The following OLFM1 variants were observed in gnomAD, a reference collection of about 807,000 sequenced individuals.
The protein encoded by OLFM1 is noelin.
Under a neutral mutation model 49.7 loss-of-function variants are expected in OLFM1, and 9 were observed. That is an observed-to-expected ratio of 0.18 (90% CI 0.11 to 0.32). The LOEUF (loss-of-function observed/expected upper bound fraction) is 0.32, where lower values mean the gene tolerates loss of function less well. Ranked by LOEUF, OLFM1 falls within the 10% of genes least tolerant of loss-of-function variation. The pLI, the probability that OLFM1 is intolerant of heterozygous loss-of-function variation, is 1.00. For missense variants in OLFM1, 369 were observed against 661.8 expected, an observed-to-expected ratio of 0.56 and a Z score of 4.85; for synonymous variants, 240 against 271.8, an observed-to-expected ratio of 0.88 and a Z score of 1.15.
intron 1 of OLFM1, chr9:135,076,628 CG>C (rs1564264308): frequency 1.8e-6 from 2 of 1,110,808 alleles, no homozygotes; most frequent in African/African-American, 3.1e-5. Flanking sequence ...CCGAGGGAGC[CG>C]GGCTGCTTGG....
At chr9:135,091,577 TCACACACTCACAGTCACACAC>T (rs1830691840) in intron 2 of OLFM1, among the ~76,000 whole-genome samples, 2 of 59,806 alleles carry the variant, frequency 3.3e-5, no homozygotes, top group Non-Finnish European at 7.2e-5. Context: ...ACACACACAG[TCACACACTCACAGTCACACAC>T]TCACACATAG....
intron 5 of OLFM1, among the ~76,000 whole-genome samples, chr9:135,112,975 G>C (rs1034956655): frequency 2.6e-5 from 4 of 152,124 alleles, no homozygotes; most frequent in African/African-American, 7.2e-5. Context: ...TGTGGCGTGG[G>C]GGAGGGCAGC....
In OLFM1 at chr9:135,098,922, A is replaced by T. The variant is rs1186229777; in HGVS notation, c.676+417A>T. Among the ~76,000 whole-genome samples, 1 of 152,218 alleles carries T rather than the reference A, an allele frequency of 6.6e-6. No homozygotes were observed. The highest frequency in any genetic ancestry group is 2.1e-4 in the South Asian group (1 of 4,826). On this transcript the variant is annotated intron_variant, in intron 4 of 5. Coordinates refer to ENST00000371793, the MANE Select transcript of OLFM1 (RefSeq NM_001282611.2). The surrounding 1 kb of genome is among the most constrained non-coding windows in gnomAD (Gnocchi z 5.6). ...ATATTGAATCATGCATAGTTTGAAT[A>T]AAAAAGGGAACAAAATTCAATCACA...
intron 1 of OLFM1, chr9:135,076,221 T>C (rs1830464216): frequency 6.4e-7 from 1 of 1,550,596 alleles, no homozygotes; most frequent in East Asian, 2.4e-5. Context: ...CACACACCCC[T>C]GAGTGGCTCA....
chr9:135,120,244 C>A lies in OLFM1; in HGVS notation c.*66C>A. 1.5e-6 allele frequency: 2 copies of A among 1,335,422 alleles called. No homozygotes were observed. Among genetic ancestry groups the A allele is most frequent in the Non-Finnish European group, 2.1e-6 (2 of 968,308 alleles). The allele number at this position is 1,335,422 out of a possible 1,614,324, so 82.7% of individuals were successfully genotyped here. A position where few individuals can be genotyped will look rare whatever the true frequency, so the allele number is the denominator to read the frequency against. On this transcript the variant is annotated 3_prime_UTR_variant, in exon 6 of 6. Coordinates refer to ENST00000371793, the MANE Select transcript of OLFM1 (RefSeq NM_001282611.2). ...AAAGGGACTCCTGTGAAACTGCTGC[C>A]AAAAAGATACCAATAACACTAACAA...
intron 4 of OLFM1, among the ~76,000 whole-genome samples, chr9:135,104,324 G>T (rs1830909718): frequency 6.6e-6 from 1 of 152,242 alleles, no homozygotes; most frequent in Admixed American, 6.5e-5. Context: ...TGGCCAGGCG[G>T]CGGAGAGGAG....
chr9:135,087,623 C>T, upstream of OLFM1: 3 of 650,390 alleles, frequency 4.6e-6, no homozygotes, highest in Non-Finnish European at 4.4e-6. Flanking sequence ...CCGGCCGAGC[C>T]CCGCCTCCCG....
At chr9:135,100,042 T>C (rs1404863567) in intron 4 of OLFM1, among the ~76,000 whole-genome samples, 2 of 152,238 alleles carry the variant, frequency 1.3e-5, no homozygotes, top group East Asian at 3.9e-4. Context: ...CTCCAAACAC[T>C]CCCACTTATG....
chr9:135,095,794 A>C (rs932929466), intron 2 of OLFM1, 70 bp from the exon 3 acceptor site: 7 of 1,550,302 alleles, frequency 4.5e-6, no homozygotes, highest in Non-Finnish European at 5.3e-6. Context: ...CAATGTCTGT[A>C]CGAGCAGGCA....
chr9:135,075,932 G>T lies in OLFM1; in HGVS notation c.96+130G>T, dbSNP rs1321312230. The T allele has an allele frequency of 2.8e-6, 4 of 1,413,362 alleles. No individual in the cohort carries two copies. The African/African-American group carries it at 4.5e-5, about 16-fold the overall frequency. 87.6% of individuals were successfully genotyped at this position (1,413,362 alleles called of 1,614,324 possible). A position where few individuals can be genotyped will look rare whatever the true frequency, so the allele number is the denominator to read the frequency against. Reference sequence around the variant, plus strand: ...CCCCGGCCTGGGCGCCCGAAGTGCCGGGGTTGGGGAGGGGGCCAGGGCGCT... The same window carrying T: ...CCCCGGCCTGGGCGCCCGAAGTGCCTGGGTTGGGGAGGGGGCCAGGGCGCT... On this transcript the variant is annotated intron_variant, in intron 1 of 5. Coordinates refer to the OLFM1 transcript ENST00000252854.
exon 1 of OLFM1, chr9:135,075,798 C>T: frequency 6.2e-7 from 1 of 1,602,930 alleles, no homozygotes; most frequent in Non-Finnish European, 8.5e-7. Flanking sequence ...ACTGAACTCA[C>T]TCAAGTACGT....
intron 4 of OLFM1, among the ~76,000 whole-genome samples, chr9:135,101,288 C>T (rs1830866864): frequency 1.3e-5 from 2 of 152,132 alleles, no homozygotes; most frequent in South Asian, 4.2e-4. Context: ...CCTGCTGTTC[C>T]TGCTGGTGTG....
intron 5 of OLFM1, among the ~76,000 whole-genome samples, chr9:135,115,852 A>G (rs1228246986): frequency 6.6e-6 from 1 of 152,214 alleles, no homozygotes. Flanking sequence ...TCATGTGATA[A>G]TTGAAGGCAA....
In OLFM1 at chr9:135,096,024, G is replaced by A; in HGVS notation, c.456+5G>A. ...CACCTGGCCAGGCAGTTTAAGGTATGCATGTTCCTCCCCCTCTCCCTCCCC... is the reference window on the plus strand; with the variant it reads ...CACCTGGCCAGGCAGTTTAAGGTATACATGTTCCTCCCCCTCTCCCTCCCC... On this transcript the variant is annotated splice_donor_5th_base_variant and intron_variant, in intron 3 of 5. Coordinates refer to ENST00000371793, the MANE Select transcript of OLFM1 (RefSeq NM_001282611.2). 10 of 1,292,860 alleles carry A rather than the reference G, an allele frequency of 7.7e-6. No homozygotes were observed. Among genetic ancestry groups the A allele is most frequent in the Non-Finnish European group, 1.0e-5 (10 of 1,003,048 alleles). 80.1% of individuals were successfully genotyped at this position (1,292,860 alleles called of 1,614,324 possible). A position where few individuals can be genotyped will look rare whatever the true frequency, so the allele number is the denominator to read the frequency against.
intron 1 of OLFM1, among the ~76,000 whole-genome samples, chr9:135,081,587 C>T (rs1830533333): frequency 1.3e-5 from 2 of 152,200 alleles, no homozygotes. Flanking sequence ...TGCCCAGCTG[C>T]CTCAGTTCTC....
chr9:135,084,554 CTCTCTGTTTCTTTGTCTTTCTGTCTCT>C (rs1830574484), upstream of OLFM1, among the ~76,000 whole-genome samples: 1 of 151,730 alleles, frequency 6.6e-6, no homozygotes, highest in Non-Finnish European at 1.5e-5. This position sits in a 1 kb window ranked among gnomAD's most constrained non-coding sequence, Gnocchi z 4.6. Flanking sequence ...TCTCTGTCTC[CTCTCTGTTTCTTTGTCTTTCTGTCTCT>C]CTGCCTTTGT....
chr9:135,088,257 C>A lies in OLFM1; in HGVS notation c.150+118C>A, dbSNP rs987806070. 100 of 994,262 alleles carry A rather than the reference C, an allele frequency of 1.0e-4. No homozygotes were observed. Among genetic ancestry groups the A allele is most frequent in the Non-Finnish European group, 1.3e-4 (98 of 781,984 alleles). The allele number at this position is 994,262 out of a possible 1,614,324, so 61.6% of individuals were successfully genotyped here. A position where few individuals can be genotyped will look rare whatever the true frequency, so the allele number is the denominator to read the frequency against. ...GCGGGACCCGAGTCGCCCAGGGAGG[C>A]GGCGGGGAGCAGGGCGGGCAAGGGC... On this transcript the variant is annotated intron_variant, in intron 1 of 5. Transcript: ENST00000371793. This position sits in a 1 kb window ranked among gnomAD's most constrained non-coding sequence, Gnocchi z 4.8.
intron 2 of OLFM1, among the ~76,000 whole-genome samples, chr9:135,091,442 CAT>C (rs76112309): frequency 0.033 from 5,041 of 152,048 alleles, 152 homozygotes; most frequent in African/African-American, 0.082. Flanking sequence ...CACACTCACA[CAT>C]AGTCACACAC....
upstream of OLFM1, among the ~76,000 whole-genome samples, chr9:135,083,376 G>T (rs376078372): frequency 6.6e-6 from 1 of 152,176 alleles, no homozygotes; most frequent in Non-Finnish European, 1.5e-5. Flanking sequence ...GGGAGAGTGC[G>T]GAGGGTGCAT....
Sources: allele counts gnomAD v4.1 joint callset (sites outside exome capture counted in the v4.1 genomes callset), GRCh38; gene constraint gnomAD v4.1.1; non-coding constraint Gnocchi (gnomAD v3.1); transcripts MANE v1.5; gene names NCBI Gene and HGNC (gene_info 2026-07-23, HGNC 2026-07-21).